The following A1CF variants were observed in gnomAD, a reference collection of about 807,000 sequenced individuals.
The protein encoded by A1CF is APOBEC-1 stimulating protein.
In A1CF, 48 loss-of-function variants were observed where a neutral mutation model predicts 68.9. The observed-to-expected ratio is 0.70, with a 90% confidence interval of 0.55 to 0.89. The LOEUF (loss-of-function observed/expected upper bound fraction) is 0.89, where lower values mean the gene tolerates loss of function less well. A1CF is among the 40% of genes least tolerant of loss of function. The pLI, the probability that A1CF is intolerant of heterozygous loss-of-function variation, is 0.00. For missense variants in A1CF, 653 were observed against 718.9 expected (o/e 0.91, Z 1.05); for synonymous variants, 272 against 260.4 (o/e 1.04, Z -0.43).
At chr10:50,869,426 G>A (rs1841148054) in intron 1 of A1CF, among the ~76,000 whole-genome samples, 1 of 152,066 alleles carries the variant, frequency 6.6e-6, no homozygotes, top group Non-Finnish European at 1.5e-5. Flanking sequence ...CCAATGCAGA[G>A]AAAAATTCAA....
At chr10:50,855,927 A>G (rs1397802330) in intron 3 of A1CF, among the ~76,000 whole-genome samples, 1 of 152,002 alleles carries the variant, frequency 6.6e-6, no homozygotes, top group African/African-American at 2.4e-5. Flanking sequence ...TAAAAAGTAA[A>G]CTTGATGTTC....
chr10:50,854,951 T>C (rs1840409586), intron 3 of A1CF, among the ~76,000 whole-genome samples: 1 of 151,876 alleles, frequency 6.6e-6, no homozygotes, highest in African/African-American at 2.4e-5. Flanking sequence ...TTTTAAATTT[T>C]ATATATATTA....
At chr10:50,826,524 C>T (rs1838944866) in intron 7 of A1CF, among the ~76,000 whole-genome samples, 1 of 152,134 alleles carries the variant, frequency 6.6e-6, no homozygotes, top group Middle Eastern at 3.4e-3. Flanking sequence ...TCATATCCAG[C>T]CAAACTAAGC....
chr10:50,856,876 C>T (rs1840501578), intron 3 of A1CF, among the ~76,000 whole-genome samples: 2 of 151,788 alleles, frequency 1.3e-5, no homozygotes, highest in Admixed American at 6.6e-5. Context: ...AAAGATTGGC[C>T]ATATATTTTA....
At chr10:50,857,442 C>T (rs996343231) in intron 3 of A1CF, among the ~76,000 whole-genome samples, 2 of 152,104 alleles carry the variant, frequency 1.3e-5, no homozygotes, top group African/African-American at 2.4e-5. Flanking sequence ...AACTATTTTT[C>T]CATTGTTAAC....
chr10:50,816,219 C>A lies in A1CF; in HGVS notation c.928G>T (p.Val310Phe). Residue 310 changes from valine to phenylalanine, a missense_variant, in exon 9 of 13, where the codon GTT becomes TTT. By Grantham distance (50) the Val-to-Phe change is conservative. Transcript: ENST00000373997. ...LAKPVDKDSY[V>F]RYTRGTGGRG... ...CCACCTGTGCCTCGGGTATACCTAA[C>A]ATAACTGTCCTTGTCCACTGGTTTT... 1 of 1,613,750 alleles carries A rather than the reference C, an allele frequency of 6.2e-7. No individual in the cohort carries two copies. The highest frequency in any genetic ancestry group is 8.5e-7 in the Non-Finnish European group (1 of 1,179,830).
Position 50,804,958 on chromosome 10 carries a change from T to C in A1CF, c.*1771A>G, listed in dbSNP as rs1055921379. Reference sequence around the variant, plus strand: ...AGCATTTAAAAAGCTCTCCAGGAGATTCTAATGTACAGCCTACTTTGGGAA... The same window carrying C: ...AGCATTTAAAAAGCTCTCCAGGAGACTCTAATGTACAGCCTACTTTGGGAA... On this transcript the variant is annotated 3_prime_UTR_variant, in exon 13 of 13. Transcript: ENST00000373997. 3.3e-5 allele frequency: 5 copies of C among 152,162 alleles called. No individual in the cohort carries two copies. The highest frequency in any genetic ancestry group is 5.9e-5 in the Non-Finnish European group (4 of 68,034). The allele number at this position is 152,162 out of a possible 1,614,324, so 9.4% of individuals were successfully genotyped here. A position where few individuals can be genotyped will look rare whatever the true frequency, so the allele number is the denominator to read the frequency against.
rs1373944818 is a variant in A1CF at position 50,799,572 on chromosome 10, A to G, written c.*7157T>C. 6.6e-6 allele frequency: 1 copy of G among 152,134 alleles called. No homozygotes were observed. Among genetic ancestry groups the G allele is most frequent in the East Asian group, 1.9e-4 (1 of 5,200 alleles). The allele number at this position is 152,134 out of a possible 1,614,324, so 9.4% of individuals were successfully genotyped here. On this transcript the variant is annotated 3_prime_UTR_variant, in exon 13 of 13. Coordinates refer to ENST00000373997, the MANE Select transcript of A1CF (RefSeq NM_014576.4). ...CCAAACCAAAGATTATTTTCCCAAC[A>G]AGTGAATGGTGTAATTTTACTTAAT...
Position 50,831,588 on chromosome 10 carries a change from C to T in A1CF, c.605-3293G>A, listed in dbSNP as rs112417771. On this transcript the variant is annotated intron_variant, in intron 6 of 12. Transcript: ENST00000373997. The stretch of plus-strand genomic sequence containing the variant: ...TACTAAAAATACAAAGTTAGCCAGG[C>T]GTGGTGGCACATGCCTGTAATCCCA... 6.1e-3 allele frequency among the ~76,000 whole-genome samples: 921 copies of T among 152,118 alleles called. 7 individuals carry two copies. Among genetic ancestry groups the T allele is most frequent in the African/African-American group, 0.021 (858 of 41,524 alleles).
chr10:50,857,279 C>T (rs1840526273), intron 3 of A1CF, among the ~76,000 whole-genome samples: 1 of 152,092 alleles, frequency 6.6e-6, no homozygotes, highest in Admixed American at 6.6e-5. Context: ...TTAGGATATC[C>T]CTCACCTCAA....
In A1CF at chr10:50,872,986, C is replaced by T. The variant is rs148621713; in HGVS notation, c.-93-8906G>A. Among the ~76,000 whole-genome samples the T allele has an allele frequency of 2.4e-3, 278 of 116,376 alleles. 3 individuals are homozygous for T. The Admixed American group carries it at 0.024, about 10-fold the overall frequency. 76.3% of individuals were successfully genotyped at this position (116,376 alleles called of 152,430 possible). ...TTTTTTTTTTTTTGAGACAGAATCT[C>T]GCTCTATCACCCAGGCTGGAGTGTG... On this transcript the variant is annotated intron_variant, in intron 1 of 12. Coordinates refer to ENST00000373997, the MANE Select transcript of A1CF (RefSeq NM_014576.4).
At position 50,814,039 on chromosome 10, in the gene A1CF, C is replaced by T; in HGVS notation, c.1142-1G>A. On this transcript the variant is annotated splice_acceptor_variant, in intron 9 of 12. Coordinates refer to ENST00000373997, the MANE Select transcript of A1CF (RefSeq NM_014576.4). LOFTEE classifies it high-confidence loss of function. The stretch of plus-strand genomic sequence containing the variant: ...CCCAGTCCTCTCACTCCCGCAGCCC[C>T]TACAGGTACATTCATGTAAATTTCT... The T allele has an allele frequency of 6.2e-7, 1 of 1,613,384 alleles. No individual in the cohort carries two copies.
chr10:50,840,396 G>A (rs1291191161), intron 5 of A1CF, among the ~76,000 whole-genome samples: 1 of 152,096 alleles, frequency 6.6e-6, no homozygotes, highest in Non-Finnish European at 1.5e-5. Flanking sequence ...TATAGATGAG[G>A]AAATTGAGGC....
chr10:50,819,911 A>T (rs1003777138), intron 8 of A1CF, among the ~76,000 whole-genome samples: 3 of 152,148 alleles, frequency 2.0e-5, no homozygotes, highest in Admixed American at 2.0e-4. Context: ...ACTTTGCACG[A>T]GTTTGTGTAG....
intron 5 of A1CF, among the ~76,000 whole-genome samples, chr10:50,841,074 A>G (rs1839752311): frequency 6.6e-6 from 1 of 152,092 alleles, no homozygotes; most frequent in Non-Finnish European, 1.5e-5. Flanking sequence ...CCTCTTTCAA[A>G]CCTCACCTGC....
At chr10:50,825,187 G>C (rs1466587119) in intron 7 of A1CF, among the ~76,000 whole-genome samples, 1 of 152,134 alleles carries the variant, frequency 6.6e-6, no homozygotes, top group East Asian at 1.9e-4. Flanking sequence ...GTGAGTATGT[G>C]CAAGTGAATA....
chr10:50,808,526 A>G (rs1485312452), intron 12 of A1CF, among the ~76,000 whole-genome samples: 1 of 152,224 alleles, frequency 6.6e-6, no homozygotes, highest in Non-Finnish European at 1.5e-5. Flanking sequence ...CCTGGCAGGC[A>G]TCCTGAGTAA....
chr10:50,813,711 A>G (rs915883727), intron 10 of A1CF, 146 bp downstream of exon 10: 2 of 784,554 alleles, frequency 2.5e-6, no homozygotes, highest in Admixed American at 2.8e-5. Flanking sequence ...CATTCCTTCA[A>G]AGACTGTGAC....
intron 6 of A1CF, among the ~76,000 whole-genome samples, chr10:50,830,709 T>C (rs958251873): frequency 6.6e-6 from 1 of 152,188 alleles, no homozygotes; most frequent in African/African-American, 2.4e-5. Flanking sequence ...ATCTACAGAT[T>C]CAATGCAGTC....
Sources: allele counts gnomAD v4.1 joint callset (sites outside exome capture counted in the v4.1 genomes callset), GRCh38; gene constraint gnomAD v4.1.1; transcripts MANE v1.5; gene names NCBI Gene and HGNC (gene_info 2026-07-23, HGNC 2026-07-21).